Variants in EXT1 observed in about 807,000 individuals in gnomAD.
The protein encoded by EXT1 is exostosin-1.
A neutral mutation model predicts 82.5 loss-of-function variants in EXT1; 20 were observed. That is an observed-to-expected ratio of 0.24 (90% CI 0.17 to 0.35). The LOEUF (loss-of-function observed/expected upper bound fraction) is 0.35. EXT1 is among the 10% of genes least tolerant of loss of function. The probability of loss-of-function intolerance (pLI) is 1.00; values close to 1 mark genes in which losing one functional copy is unlikely to be tolerated. For missense variants in EXT1, 757 were observed against 936.5 expected (o/e 0.81, Z 2.50); for synonymous variants, 348 against 350.8 (o/e 0.99, Z 0.09).
intron 9 of EXT1, 137 bp from the exon 10 acceptor site, chr8:117,805,030 G>A (rs1049529896): frequency 1.3e-6 from 1 of 782,544 alleles, no homozygotes; most frequent in African/African-American, 1.7e-5. Flanking sequence ...TGATGATGAT[G>A]ACGATAACTA....
chr8:117,969,266 T>C (rs1337604285), intron 1 of EXT1, among the ~76,000 whole-genome samples: 26 of 152,320 alleles, frequency 1.7e-4, no homozygotes, highest in Non-Finnish European at 7.4e-5. Flanking sequence ...TTAAGAGAAA[T>C]TGAAAATAAT....
intron 1 of EXT1, among the ~76,000 whole-genome samples, chr8:117,844,501 G>A (rs752341070): frequency 3.3e-5 from 5 of 152,042 alleles, no homozygotes; most frequent in Non-Finnish European, 5.9e-5. Flanking sequence ...GCATGCAGTC[G>A]TACGGAATTG....
At chr8:117,962,673 G>A (rs950075949) in intron 1 of EXT1, among the ~76,000 whole-genome samples, 2 of 151,856 alleles carry the variant, frequency 1.3e-5, no homozygotes, top group Non-Finnish European at 2.9e-5. Context: ...GGATTGCTTG[G>A]GGCTGCGAGA....
chr8:118,030,370 C>G (rs1035278778), intron 1 of EXT1, among the ~76,000 whole-genome samples: 1 of 152,110 alleles, frequency 6.6e-6, no homozygotes, highest in Non-Finnish European at 1.5e-5. Flanking sequence ...AAGAAAAGTG[C>G]GTACACCATA....
rs755653091 is a variant in EXT1, at chr8:117,861,488, CTTT to C, written c.963-24290_963-24288del. Among the ~76,000 whole-genome samples the C allele has an allele frequency of 9.5e-3, 821 of 86,818 alleles. 4 individuals are homozygous for C. The highest frequency in any genetic ancestry group is 0.034 in the African/African-American group (782 of 23,086). The allele number at this position is 86,818 out of a possible 152,430, so 57.0% of individuals were successfully genotyped here. On this transcript the variant is annotated intron_variant, in intron 1 of 10. Coordinates refer to ENST00000378204, the MANE Select transcript of EXT1 (RefSeq NM_000127.3). ...GCCATTTGCTCCCTGAAGTTTTTAT[CTTT>C]TTTTTTTTTTTTTTTTTTTTTGAGA...
intron 1 of EXT1, among the ~76,000 whole-genome samples, chr8:117,995,557 T>C (rs921492831): frequency 5.3e-5 from 8 of 152,052 alleles, no homozygotes; most frequent in African/African-American, 1.9e-4. Flanking sequence ...GAACAAGCAA[T>C]GTAGAGTTGA....
At chr8:117,867,727 A>G (rs1404155151) in intron 1 of EXT1, among the ~76,000 whole-genome samples, 1 of 152,162 alleles carries the variant, frequency 6.6e-6, no homozygotes, top group African/African-American at 2.4e-5. Flanking sequence ...TTTATTCCTT[A>G]AAAAGCTCTT....
At chr8:118,014,976 G>A (rs139162193) in intron 1 of EXT1, among the ~76,000 whole-genome samples, 1 of 152,268 alleles carries the variant, frequency 6.6e-6, no homozygotes, top group African/African-American at 2.4e-5. Context: ...CTGTTTTGGA[G>A]CATTTGTGTC....
intron 1 of EXT1, among the ~76,000 whole-genome samples, chr8:118,028,438 T>C (rs1354789400): frequency 1.3e-5 from 2 of 152,314 alleles, no homozygotes; most frequent in East Asian, 3.9e-4. Flanking sequence ...AATATAAGAA[T>C]CTTCCTGTTT....
intron 1 of EXT1, among the ~76,000 whole-genome samples, chr8:117,923,456 A>G (rs560699666): frequency 5.3e-4 from 80 of 151,234 alleles, no homozygotes; most frequent in South Asian, 1.1e-3. Context: ...GGTGGCTCAC[A>G]CCTGTAATCC....
chr8:117,988,294 C>T (rs528310700), intron 1 of EXT1, among the ~76,000 whole-genome samples: 1 of 152,182 alleles, frequency 6.6e-6, no homozygotes, highest in African/African-American at 2.4e-5. Flanking sequence ...GTTATTATTA[C>T]TCCAAAAGGA....
chr8:118,039,756 G>T (rs1261063825), intron 1 of EXT1, among the ~76,000 whole-genome samples: 1 of 151,964 alleles, frequency 6.6e-6, no homozygotes, highest in Non-Finnish European at 1.5e-5. Context: ...AGGTGAAAGG[G>T]TTTAAAAAAT....
At chr8:118,063,082 T>C (rs576141791) in intron 1 of EXT1, among the ~76,000 whole-genome samples, 5 of 147,396 alleles carry the variant, frequency 3.4e-5, no homozygotes, top group South Asian at 2.1e-4. Flanking sequence ...TTCTGGAGAA[T>C]TTTTTTTTTT....
chr8:117,911,803 C>T (rs935574050), intron 1 of EXT1, among the ~76,000 whole-genome samples: 1 of 152,216 alleles, frequency 6.6e-6, no homozygotes, highest in African/African-American at 2.4e-5. Flanking sequence ...CACATCATGA[C>T]ACTTTATTCT....
chr8:117,890,565 T>A (rs1043496304), intron 1 of EXT1, among the ~76,000 whole-genome samples: 4 of 152,230 alleles, frequency 2.6e-5, no homozygotes, highest in Non-Finnish European at 5.9e-5. Flanking sequence ...CCAAATGACA[T>A]AGCACCTTGA....
At chr8:118,006,533 T>G (rs1815778671) in intron 1 of EXT1, among the ~76,000 whole-genome samples, 1 of 152,132 alleles carries the variant, frequency 6.6e-6, no homozygotes, top group Admixed American at 6.5e-5. Flanking sequence ...AGGAATGCCT[T>G]GAAGGTCAAA....
At chr8:117,912,590 C>T (rs1476942146) in intron 1 of EXT1, among the ~76,000 whole-genome samples, 1 of 152,150 alleles carries the variant, frequency 6.6e-6, no homozygotes, top group African/African-American at 2.4e-5. Context: ...CATTCAGCTT[C>T]CTGGATCACA....
At position 117,931,599 on chromosome 8, in the gene EXT1, G is replaced by T. The variant is rs576986273; in HGVS notation, c.963-94398C>A. On this transcript the variant is annotated intron_variant, in intron 1 of 10. Coordinates refer to ENST00000378204, the MANE Select transcript of EXT1 (RefSeq NM_000127.3). ...CACATTGAGCTGGCTGTTTTACCAA[G>T]GTTATCAGTCTTTCAGAGATCAATA... Among the ~76,000 whole-genome samples the T allele has an allele frequency of 7.2e-5, 11 of 152,200 alleles. No homozygotes were observed. In the South Asian group the frequency reaches 2.1e-3, roughly 29 times the overall value.
At chr8:117,960,576 A>G (rs1485477052) in intron 1 of EXT1, among the ~76,000 whole-genome samples, 1 of 152,260 alleles carries the variant, frequency 6.6e-6, no homozygotes, top group Non-Finnish European at 1.5e-5. Context: ...ACTTTTGTAC[A>G]TAATTATAAG....
Sources: allele counts gnomAD v4.1 joint callset (sites outside exome capture counted in the v4.1 genomes callset), GRCh38; gene constraint gnomAD v4.1.1; transcripts MANE v1.5; gene names NCBI Gene and HGNC (gene_info 2026-07-23, HGNC 2026-07-21).